Variants in DNAJC3 observed in about 807,000 individuals in gnomAD.
DNAJC3 encodes the protein DnaJ heat shock protein family (Hsp40) member C3.
DNAJC3 carries 38 observed loss-of-function variants against 68.6 expected under a neutral mutation model. That is an observed-to-expected ratio of 0.55 (90% CI 0.43 to 0.73). The LOEUF (loss-of-function observed/expected upper bound fraction) is 0.73, where lower values mean the gene tolerates loss of function less well. Ranked by LOEUF, DNAJC3 falls within the 30% of genes least tolerant of loss-of-function variation. The pLI is 0.00. For missense variants in DNAJC3, 526 were observed against 591.9 expected (o/e 0.89, Z 1.16); for synonymous variants, 203 against 204.0 (o/e 1.00, Z 0.04).
intron 1 of DNAJC3, among the ~76,000 whole-genome samples, chr13:95,701,750 AAACTG>A (rs1439248789): frequency 2.0e-5 from 3 of 152,222 alleles, no homozygotes; most frequent in African/African-American, 7.2e-5. Context: ...TTGAGCACTT[AAACTG>A]TTACTAGTGT....
At chr13:95,783,841 TG>T (rs1883520274) in intron 9 of DNAJC3, among the ~76,000 whole-genome samples, 1 of 152,008 alleles carries the variant, frequency 6.6e-6, no homozygotes, top group Admixed American at 6.5e-5. Context: ...CAGGACTTAT[TG>T]GGTGAAAAGG....
intron 9 of DNAJC3, among the ~76,000 whole-genome samples, chr13:95,780,308 C>G (rs1319203021): frequency 6.6e-6 from 1 of 152,166 alleles, no homozygotes; most frequent in African/African-American, 2.4e-5. Context: ...CAGGCTGTTT[C>G]ACTGTTCCCT....
rs759928890 is a variant in DNAJC3 at position 95,760,820 on chromosome 13, C to T, written c.848+22C>T. 4 of 1,605,596 alleles carry T rather than the reference C, an allele frequency of 2.5e-6. No homozygotes were observed. The Admixed American group carries it at 5.1e-5, about 20-fold the overall frequency. ...GCAGGTGAGAATATGGTTGTTCCAA[C>T]TGTCCAGCCATTCCTTATGTGCGGG... On this transcript the variant is annotated intron_variant, in intron 7 of 11. Coordinates refer to ENST00000602402, the MANE Select transcript of DNAJC3 (RefSeq NM_006260.5).
chr13:95,677,499 G>A (rs1404935646), intron 1 of DNAJC3, among the ~76,000 whole-genome samples, 162 bp downstream of exon 1: 2 of 152,226 alleles, frequency 1.3e-5, no homozygotes, highest in Admixed American at 6.5e-5. Flanking sequence ...CCCGGTTCCG[G>A]GTTTGTCTGG....
intron 1 of DNAJC3, among the ~76,000 whole-genome samples, chr13:95,687,806 T>C (rs1354451538): frequency 6.6e-6 from 1 of 152,228 alleles, no homozygotes; most frequent in East Asian, 1.9e-4. Context: ...TTTTTAATTC[T>C]GTGAAAAATG....
At chr13:95,687,107 T>C (rs772379597) in intron 1 of DNAJC3, among the ~76,000 whole-genome samples, 5 of 152,186 alleles carry the variant, frequency 3.3e-5, no homozygotes, top group Non-Finnish European at 7.4e-5. Flanking sequence ...AGTGTTTTCC[T>C]AGGTATTTTA....
chr13:95,773,550 A>C (rs1019632349), intron 9 of DNAJC3, among the ~76,000 whole-genome samples: 1 of 152,044 alleles, frequency 6.6e-6, no homozygotes, highest in Admixed American at 6.6e-5. Context: ...ACATCTTTTA[A>C]GGAATGTTTC....
At chr13:95,714,626 T>G (rs1881078840) in intron 2 of DNAJC3, among the ~76,000 whole-genome samples, 1 of 152,204 alleles carries the variant, frequency 6.6e-6, no homozygotes, top group Admixed American at 6.5e-5. Flanking sequence ...CACAAGATTT[T>G]TCATTAAGGG....
intron 4 of DNAJC3, among the ~76,000 whole-genome samples, chr13:95,731,451 T>C (rs1485260685): frequency 6.6e-6 from 1 of 152,226 alleles, no homozygotes; most frequent in Non-Finnish European, 1.5e-5. Flanking sequence ...TAATGGTCTT[T>C]ATTTTGTTGA....
At chr13:95,744,534 G>A (rs545047736) in intron 4 of DNAJC3, among the ~76,000 whole-genome samples, 2 of 152,034 alleles carry the variant, frequency 1.3e-5, no homozygotes, top group Admixed American at 1.3e-4. Context: ...GTAAATTTAG[G>A]GTACCTGGAA....
At chr13:95,678,759 T>C (rs1879835880) in intron 1 of DNAJC3, among the ~76,000 whole-genome samples, 1 of 152,160 alleles carries the variant, frequency 6.6e-6, no homozygotes, top group Non-Finnish European at 1.5e-5. Flanking sequence ...AGATGCACAA[T>C]TTTGAATGAT....
At chr13:95,719,717 C>T (rs1881258596) in intron 2 of DNAJC3, among the ~76,000 whole-genome samples, 1 of 152,136 alleles carries the variant, frequency 6.6e-6, no homozygotes, top group Admixed American at 6.5e-5. Context: ...ATTGGGGTTC[C>T]AATTCCATTT....
chr13:95,749,173 T>A (rs1291047695), intron 4 of DNAJC3, among the ~76,000 whole-genome samples: 2 of 152,262 alleles, frequency 1.3e-5, no homozygotes, highest in South Asian at 2.1e-4. Context: ...TTTTGTTATA[T>A]CATACTGCTG....
intron 3 of DNAJC3, 77 bp from the exon 4 acceptor site, chr13:95,725,101 A>T: frequency 1.1e-6 from 1 of 916,286 alleles, no homozygotes; most frequent in Non-Finnish European, 1.5e-6. Context: ...TTGTTTATTT[A>T]GTTTTATTCT....
intron 7 of DNAJC3, among the ~76,000 whole-genome samples, chr13:95,761,767 T>C (rs1468268735): frequency 1.3e-5 from 2 of 151,724 alleles, no homozygotes; most frequent in African/African-American, 2.4e-5. Context: ...ACTTTTGGGA[T>C]TGGCTTTTTT....
chr13:95,721,197 T>G lies in DNAJC3; in HGVS notation c.194-2045T>G, dbSNP rs150777819. ...TCTTTGCTTATTTCACTTAGCATAA[T>G]GTTTTTAAGGTTCATCCATGTTGTA... On this transcript the variant is annotated intron_variant, in intron 2 of 11. Transcript: ENST00000602402. Among the ~76,000 whole-genome samples the G allele has an allele frequency of 1.5e-4, 23 of 152,364 alleles. No individual in the cohort carries two copies. In the East Asian group the frequency reaches 4.2e-3, roughly 28 times the overall value.
intron 1 of DNAJC3, among the ~76,000 whole-genome samples, chr13:95,701,283 A>G (rs1880580849): frequency 6.6e-6 from 1 of 152,170 alleles, no homozygotes; most frequent in African/African-American, 2.4e-5. Flanking sequence ...TCTCTTTGTC[A>G]TATTGGTTAT....
chr13:95,693,474 C>G (rs1310036984), intron 1 of DNAJC3: 1 of 152,140 alleles, frequency 6.6e-6, no homozygotes, highest in African/African-American at 2.4e-5. Context: ...TAAACCCTTC[C>G]TAATTCAATT....
chr13:95,690,573 C>T (rs1422889617), intron 1 of DNAJC3, among the ~76,000 whole-genome samples: 9 of 150,138 alleles, frequency 6.0e-5, no homozygotes, highest in East Asian at 2.0e-4. Flanking sequence ...CGGGCAGAGG[C>T]GCCCCTCACC....
Sources: gnomAD v4.1 joint callset for allele counts (sites outside exome capture counted in the v4.1 genomes callset) on GRCh38, gnomAD v4.1.1 for gene constraint, MANE v1.5 for transcripts, NCBI Gene and HGNC (gene_info 2026-07-23, HGNC 2026-07-21) for gene names.